Variants in PNPLA3 observed in about 807,000 individuals in gnomAD.
PNPLA3 encodes 1-acylglycerol-3-phosphate O-acyltransferase PNPLA3.
Under a neutral mutation model 43.1 loss-of-function variants are expected in PNPLA3, and 42 were observed. The ratio of observed to expected loss-of-function variants is 0.97; its 90% CI spans 0.76 to 1.26. The LOEUF (loss-of-function observed/expected upper bound fraction) is 1.26, where lower values mean the gene tolerates loss of function less well. Among genes scored for constraint, PNPLA3 ranks in the 50% most tolerant of loss-of-function variants. The probability of loss-of-function intolerance (pLI) is 0.00; values close to 1 mark genes in which losing one functional copy is unlikely to be tolerated. For synonymous variants in PNPLA3, 272 were observed against 253.6 expected (o/e 1.07, Z -0.69); for missense variants, 647 against 621.4 (o/e 1.04, Z -0.44).
At chr22:43,944,868 C>T in intron 8 of PNPLA3, 73 bp downstream of exon 8, 6 of 1,277,098 alleles carry the variant, frequency 4.7e-6, no homozygotes, top group Non-Finnish European at 6.8e-6. Flanking sequence ...ACACGACATT[C>T]TAGAAACAGC....
intron 2 of PNPLA3, 32 bp from the exon 3 acceptor site, chr22:43,928,792 G>A (rs769339358): frequency 5.1e-6 from 8 of 1,579,000 alleles, no homozygotes; most frequent in South Asian, 2.2e-5. Context: ...GGGTGCTCTC[G>A]CCTATAACTT....
Position 43,937,278 on chromosome 22 carries a change from C to T in PNPLA3, c.979+6C>T. On this transcript the variant is annotated splice_donor_region_variant and intron_variant, in intron 6 of 8. Coordinates refer to ENST00000216180, the MANE Select transcript of PNPLA3 (RefSeq NM_025225.3). ...CTCGCCCAGGCTCGCTACAGGTACCCACTCCTCGGGGTGAGCACGGGCAGC... is the reference window on the plus strand; with the variant it reads ...CTCGCCCAGGCTCGCTACAGGTACCTACTCCTCGGGGTGAGCACGGGCAGC... The T allele has an allele frequency of 2.5e-6, 4 of 1,612,980 alleles. No individual in the cohort carries two copies. The highest frequency in any genetic ancestry group is 3.4e-6 in the Non-Finnish European group (4 of 1,179,680).
intron 1 of PNPLA3, chr22:43,924,357 A>C: frequency 2.1e-6 from 1 of 467,104 alleles, no homozygotes. Context: ...CCCTACCCCC[A>C]TCAGGCGCCC....
At chr22:43,936,097 G>A (rs1457288833) in intron 5 of PNPLA3, among the ~76,000 whole-genome samples, 2 of 152,154 alleles carry the variant, frequency 1.3e-5, no homozygotes, top group Non-Finnish European at 2.9e-5. Context: ...AAGGGGAGAT[G>A]GGGAGATGTG....
At chr22:43,941,143 C>T (rs1004528071) in intron 7 of PNPLA3, among the ~76,000 whole-genome samples, 12 of 92,268 alleles carry the variant, frequency 1.3e-4, no homozygotes, top group Admixed American at 4.4e-4. Flanking sequence ...AGCGAAACTC[C>T]GACTCAAAAA....
At chr22:43,940,805 A>G (rs2050026102) in intron 7 of PNPLA3, among the ~76,000 whole-genome samples, 1 of 151,930 alleles carries the variant, frequency 6.6e-6, no homozygotes, top group African/African-American at 2.4e-5. Context: ...GAGAAACCCT[A>G]TCTCAAAATA....
rs561867145 is a variant in PNPLA3 at position 43,946,906 on chromosome 22, G to A, written c.*524G>A. On this transcript the variant is annotated 3_prime_UTR_variant, in exon 9 of 9. Coordinates refer to ENST00000216180, the MANE Select transcript of PNPLA3 (RefSeq NM_025225.3). Reference sequence around the variant, plus strand: ...TGACTACTAAAAACGTCTCCATGGCGGGGGTAACAAGATGATAATCTACTT... The same window carrying A: ...TGACTACTAAAAACGTCTCCATGGCAGGGGTAACAAGATGATAATCTACTT... The A allele has an allele frequency of 3.7e-5, 12 of 326,216 alleles. No homozygotes were observed. The highest frequency in any genetic ancestry group is 4.9e-5 in the South Asian group (2 of 41,092). 20.2% of individuals were successfully genotyped at this position (326,216 alleles called of 1,614,324 possible). A position where few individuals can be genotyped will look rare whatever the true frequency, so the allele number is the denominator to read the frequency against.
intron 2 of PNPLA3, among the ~76,000 whole-genome samples, chr22:43,927,385 G>T (rs1317865009): frequency 6.6e-6 from 1 of 152,010 alleles, no homozygotes; most frequent in Non-Finnish European, 1.5e-5. Flanking sequence ...CCAGCTACTA[G>T]GGAGGCTGAG....
intron 2 of PNPLA3, among the ~76,000 whole-genome samples, chr22:43,927,821 C>T (rs1385869909): frequency 1.3e-5 from 2 of 152,188 alleles, no homozygotes; most frequent in East Asian, 1.9e-4. Flanking sequence ...GTTGCCCAGG[C>T]TGGTCCCAAA....
chr22:43,936,021 G>A (rs992416056), intron 5 of PNPLA3, among the ~76,000 whole-genome samples: 6 of 152,184 alleles, frequency 3.9e-5, no homozygotes, highest in African/African-American at 1.2e-4. Context: ...GGAAATGACC[G>A]ATGGGACATT....
At position 43,947,551 on chromosome 22, in the gene PNPLA3, G is replaced by C. The variant is rs896562427; in HGVS notation, c.*1169G>C. The C allele has an allele frequency of 2.3e-5, 4 of 174,178 alleles. No individual in the cohort carries two copies. Among genetic ancestry groups the C allele is most frequent in the African/African-American group, 9.6e-5 (4 of 41,844 alleles). The allele number at this position is 174,178 out of a possible 1,614,324, so 10.8% of individuals were successfully genotyped here. On this transcript the variant is annotated 3_prime_UTR_variant, in exon 9 of 9. Transcript: ENST00000216180. ...TTTCTCCCCATGTGTGGCGATGAGA[G>C]AGTGTAGAAATAAAGACACAAGACA...
intron 5 of PNPLA3, among the ~76,000 whole-genome samples, chr22:43,935,435 G>A (rs2049988841): frequency 6.6e-6 from 1 of 152,108 alleles, no homozygotes; most frequent in South Asian, 2.1e-4. Context: ...TGTGTCGATG[G>A]GAAAGTACAG....
intron 5 of PNPLA3, 120 bp downstream of exon 5, chr22:43,934,786 G>A: frequency 1.1e-6 from 1 of 899,396 alleles, no homozygotes; most frequent in South Asian, 1.5e-5. Flanking sequence ...TCCTTGTGTT[G>A]CTCAACCTAC....
In PNPLA3 at chr22:43,944,760, C is replaced by T. The variant is rs141021083; in HGVS notation, c.1182C>T (p.Phe394=). 5.8e-5 allele frequency: 93 copies of T among 1,614,182 alleles called. 2 individuals carry two copies. In the Middle Eastern group the frequency reaches 1.8e-3, roughly 32 times the overall value. Residue 394 remains phenylalanine, a synonymous_variant, in exon 8 of 9, where the codon TTC becomes TTT. Coordinates refer to ENST00000216180, the MANE Select transcript of PNPLA3 (RefSeq NM_025225.3). ...TGCAGTGGGTGACCTCACAGGTGTT[C>T]ACTCGAGTGCTGATGTGTCTGCTCC... ...LWLQWVTSQV[F]TRVLMCLLPA...
intron 2 of PNPLA3, among the ~76,000 whole-genome samples, chr22:43,928,085 A>G (rs139050): frequency 0.27 from 40,912 of 152,226 alleles, 6,306 homozygotes; most frequent in Middle Eastern, 0.4. Context: ...TTGTAATACC[A>G]AAACACCATT....
At position 43,927,127 on chromosome 22, in the gene PNPLA3, T is replaced by C. The variant is rs1284977916; in HGVS notation, c.380T>C (p.Val127Ala). The C allele has an allele frequency of 6.2e-7, 1 of 1,614,070 alleles. No homozygotes were observed. Among genetic ancestry groups the C allele is most frequent in the East Asian group, 2.2e-5 (1 of 44,900 alleles). Residue 127 changes from valine (V) to alanine (A), a missense_variant, in exon 2 of 9, where the codon GTT becomes GCT. Val to Ala is a moderately conservative substitution (Grantham distance 64, BLOSUM62 0). Transcript: ENST00000216180. ...ACCAGAGTGTCTGATGGGGAAAACG[T>C]TCTGGTGTCTGACTTTCGGTCCAAA... Reference protein sequence around the residue: ...SLTRVSDGENVLVSDFRSKDE... With the variant: ...SLTRVSDGENALVSDFRSKDE...
At chr22:43,935,691 G>A (rs1473050907) in intron 5 of PNPLA3, among the ~76,000 whole-genome samples, 1 of 151,932 alleles carries the variant, frequency 6.6e-6, no homozygotes, top group Non-Finnish European at 1.5e-5. Flanking sequence ...CTAAGAGATG[G>A]CTGGAAGTGT....
chr22:43,928,474 T>C (rs971466246), intron 2 of PNPLA3, among the ~76,000 whole-genome samples: 6 of 152,068 alleles, frequency 3.9e-5, no homozygotes, highest in African/African-American at 1.2e-4. Context: ...CCGGTGATGC[T>C]AATGAATACC....
intron 3 of PNPLA3, among the ~76,000 whole-genome samples, chr22:43,930,363 T>A (rs1468682743): frequency 6.6e-6 from 1 of 152,200 alleles, no homozygotes; most frequent in Non-Finnish European, 1.5e-5. Flanking sequence ...TCCAGGATAG[T>A]GGTCCACGGA....
Sources: gnomAD v4.1 joint callset for allele counts (sites outside exome capture counted in the v4.1 genomes callset) on GRCh38, gnomAD v4.1.1 for gene constraint, MANE v1.5 for transcripts, NCBI Gene and HGNC (gene_info 2026-07-23, HGNC 2026-07-21) for gene names.